Variants in ACOT12 observed in about 807,000 individuals in gnomAD.
ACOT12 encodes acetyl-coenzyme A thioesterase.
ACOT12 carries 51 observed loss-of-function variants against 67.7 expected under a neutral mutation model. The ratio of observed to expected loss-of-function variants is 0.75; its 90% CI spans 0.60 to 0.95. ACOT12 has a LOEUF of 0.95. ACOT12 is among the 40% of genes least tolerant of loss of function. ACOT12 has a pLI of 0.00. For missense variants in ACOT12, 734 were observed against 708.1 expected (o/e 1.04, Z -0.41); for synonymous variants, 251 against 244.6 (o/e 1.03, Z -0.24).
At chr5:81,372,991 T>C (rs1372998524) in intron 2 of ACOT12, among the ~76,000 whole-genome samples, 1 of 152,210 alleles carries the variant, frequency 6.6e-6, no homozygotes, top group African/African-American at 2.4e-5. Context: ...AATTTAATGT[T>C]TCTCAGTGTG....
At chr5:81,386,926 A>C (rs1760738431) in intron 1 of ACOT12, among the ~76,000 whole-genome samples, 1 of 152,024 alleles carries the variant, frequency 6.6e-6, no homozygotes, top group Non-Finnish European at 1.5e-5. Context: ...GGTGGACTCA[A>C]CTTAATTCAA....
chr5:81,341,943 G>A (rs1181991325), intron 11 of ACOT12, among the ~76,000 whole-genome samples: 2 of 152,176 alleles, frequency 1.3e-5, no homozygotes, highest in Non-Finnish European at 2.9e-5. Flanking sequence ...TGAGGTAGCT[G>A]TGGAAGAAAT....
At chr5:81,328,884 T>G (rs1252672683), downstream of ACOT12, among the ~76,000 whole-genome samples, 1 of 152,212 alleles carries the variant, frequency 6.6e-6, no homozygotes, top group Non-Finnish European at 1.5e-5. Context: ...TATACCTGTA[T>G]AGTCCAATTT....
At chr5:81,318,351 T>G in the ACOT12 span, among the ~76,000 whole-genome samples, 1 of 152,226 alleles carries the variant, frequency 6.6e-6, no homozygotes, top group Admixed American at 6.5e-5. Flanking sequence ...TGACCACAAA[T>G]ATAACAGTAT....
chr5:81,362,052 G>A (rs1759925778), intron 4 of ACOT12, among the ~76,000 whole-genome samples: 1 of 151,954 alleles, frequency 6.6e-6, no homozygotes, highest in Non-Finnish European at 1.5e-5. Flanking sequence ...TACAATTAAG[G>A]TTATCTGAAC....
At chr5:81,386,457 C>T (rs767055361) in intron 1 of ACOT12, among the ~76,000 whole-genome samples, 13 of 152,036 alleles carry the variant, frequency 8.6e-5, no homozygotes, top group South Asian at 2.1e-4. Context: ...CAGGAAGAAG[C>T]TTAGTTATTT....
At chr5:81,368,677 C>T (rs542108367) in intron 3 of ACOT12, among the ~76,000 whole-genome samples, 8 of 151,886 alleles carry the variant, frequency 5.3e-5, no homozygotes, top group South Asian at 2.1e-4. Context: ...GAAAATTTTA[C>T]GATCTTAAAT....
At chr5:81,378,648 C>G (rs1361229345) in intron 2 of ACOT12, among the ~76,000 whole-genome samples, 2 of 152,084 alleles carry the variant, frequency 1.3e-5, no homozygotes, top group African/African-American at 4.8e-5. Flanking sequence ...AAGAAAAAAA[C>G]AACCCCATCA....
chr5:81,328,366 G>A (rs1157439899), downstream of ACOT12, among the ~76,000 whole-genome samples: 2 of 151,980 alleles, frequency 1.3e-5, no homozygotes, highest in Non-Finnish European at 2.9e-5. Context: ...GTTTCTTGCT[G>A]AACCCGCCGT....
At chr5:81,320,776 A>G in the ACOT12 span, among the ~76,000 whole-genome samples, 1 of 152,242 alleles carries the variant, frequency 6.6e-6, no homozygotes, top group African/African-American at 2.4e-5. Flanking sequence ...GAGAAAATAT[A>G]AACAAGTATG....
intron 1 of ACOT12, among the ~76,000 whole-genome samples, chr5:81,390,983 T>C (rs768039559): frequency 1.3e-5 from 2 of 152,244 alleles, no homozygotes; most frequent in Non-Finnish European, 2.9e-5. Flanking sequence ...TGATCCATTG[T>C]AGAAACTGTG....
At chr5:81,373,628 C>T (rs1229602246) in intron 2 of ACOT12, among the ~76,000 whole-genome samples, 4 of 152,222 alleles carry the variant, frequency 2.6e-5, no homozygotes, top group Non-Finnish European at 5.9e-5. Context: ...GCTTGAAATT[C>T]TCGCTGCCAG....
intron 6 of ACOT12, 26 bp downstream of exon 6, chr5:81,347,748 A>T: frequency 6.2e-7 from 1 of 1,609,282 alleles, no homozygotes; most frequent in East Asian, 2.2e-5. Flanking sequence ...TCCCAAAATC[A>T]TAGGCCGAAG....
intron 2 of ACOT12, among the ~76,000 whole-genome samples, chr5:81,381,275 C>T (rs1409107513): frequency 1.3e-5 from 2 of 152,018 alleles, no homozygotes; most frequent in Non-Finnish European, 1.5e-5. Context: ...ATCATGTTGG[C>T]CAGGCTGGTC....
At chr5:81,327,658 C>T (rs960397567), downstream of ACOT12, among the ~76,000 whole-genome samples, 1 of 152,214 alleles carries the variant, frequency 6.6e-6, no homozygotes, top group African/African-American at 2.4e-5. Context: ...TCAGGCTGGT[C>T]TTGAACTCCT....
intron 6 of ACOT12, 148 bp from the exon 7 acceptor site, chr5:81,346,152 C>T: frequency 8.1e-7 from 1 of 1,241,496 alleles, no homozygotes; most frequent in Non-Finnish European, 1.1e-6. Flanking sequence ...GGTCTGCACG[C>T]TACCTGCCAA....
At chr5:81,356,778 G>T (rs982911877) in intron 5 of ACOT12, among the ~76,000 whole-genome samples, 5 of 151,008 alleles carry the variant, frequency 3.3e-5, no homozygotes, top group African/African-American at 7.3e-5. Flanking sequence ...GTGTGATCTC[G>T]TGTGTATTTT....
At chr5:81,314,144 A>G in the ACOT12 span, among the ~76,000 whole-genome samples, 1 of 151,744 alleles carries the variant, frequency 6.6e-6, no homozygotes, top group Non-Finnish European at 1.5e-5. Flanking sequence ...TCACTCTGTC[A>G]CCCAGGCTAG....
At chr5:81,317,715 C>T in the ACOT12 span, among the ~76,000 whole-genome samples, 1 of 152,054 alleles carries the variant, frequency 6.6e-6, no homozygotes, top group Non-Finnish European at 1.5e-5. Context: ...GTCACGAGAA[C>T]AGCAAGGGGA....
Sources: gnomAD v4.1 joint callset for allele counts (sites outside exome capture counted in the v4.1 genomes callset) on GRCh38, gnomAD v4.1.1 for gene constraint, MANE v1.5 for transcripts, NCBI Gene and HGNC (gene_info 2026-07-23, HGNC 2026-07-21) for gene names.